The following IL34 variants were observed in gnomAD, a reference collection of about 807,000 sequenced individuals.
IL34 encodes the protein interleukin 34, also known as interleukin-34.
In IL34, 17 loss-of-function variants were observed where a neutral mutation model predicts 25.3. The observed-to-expected ratio is 0.67, with a 90% CI of 0.46 to 1.01. IL34 has a LOEUF of 1.01. Among genes scored for constraint, IL34 ranks in the 50% least tolerant of loss-of-function variants. IL34 has a pLI of 0.00. For missense variants in IL34, 368 were observed against 312.9 expected (o/e 1.18, Z -1.33); for synonymous variants, 174 against 140.9 (o/e 1.23, Z -1.66).
intron 1 of IL34, among the ~76,000 whole-genome samples, chr16:70,587,195 G>A (rs552039409): frequency 2.0e-5 from 3 of 152,212 alleles, no homozygotes; most frequent in South Asian, 2.1e-4. Flanking sequence ...TGGCCACTGA[G>A]CCACCCTAGT....
chr16:70,593,005 T>A (rs968084565), intron 1 of IL34, among the ~76,000 whole-genome samples: 3 of 152,192 alleles, frequency 2.0e-5, no homozygotes, highest in Non-Finnish European at 4.4e-5. Flanking sequence ...CTTTTTTTAA[T>A]AAATAGAGAC....
At position 70,640,232 on chromosome 16, in the gene IL34, C is replaced by T. The variant is rs191284823; in HGVS notation, c.-400-6316C>T. On this transcript the variant is annotated intron_variant, in intron 1 of 6. Coordinates refer to the IL34 transcript ENST00000429149. ...TCGTGGCTCACTGCAGCCTTGGCCT[C>T]CTGGGCTCAAGCAATCATCCTGCCT... Among the ~76,000 whole-genome samples, 55 of 152,252 alleles carry T rather than the reference C, an allele frequency of 3.6e-4. 1 individual carries two copies. The East Asian group carries it at 9.5e-3, about 26-fold the overall frequency.
At chr16:70,618,564 G>A (rs867650160) in intron 1 of IL34, among the ~76,000 whole-genome samples, 1 of 152,176 alleles carries the variant, frequency 6.6e-6, no homozygotes, top group African/African-American at 2.4e-5. Context: ...AGCGGCAGCC[G>A]CTGCACGCAG....
chr16:70,628,306 A>G (rs1035728329), intron 1 of IL34, among the ~76,000 whole-genome samples: 14 of 152,146 alleles, frequency 9.2e-5, no homozygotes, highest in African/African-American at 3.4e-4. Context: ...AGAACACAGT[A>G]TATCTTTTTC....
upstream of IL34, chr16:70,646,481 G>C (rs1279858893): frequency 6.0e-6 from 1 of 166,150 alleles, no homozygotes; most frequent in African/African-American, 2.4e-5. Flanking sequence ...GGTGTGCGCT[G>C]TGGCTGATGG....
chr16:70,598,497 G>A (rs908555925), intron 1 of IL34, among the ~76,000 whole-genome samples: 3 of 152,142 alleles, frequency 2.0e-5, no homozygotes, highest in African/African-American at 4.8e-5. Context: ...CCAGCACTTT[G>A]GGAGGCCAAG....
intron 1 of IL34, among the ~76,000 whole-genome samples, chr16:70,584,754 C>A (rs901980557): frequency 6.6e-6 from 1 of 151,802 alleles, no homozygotes; most frequent in African/African-American, 2.4e-5. Context: ...AAGCTAGAGT[C>A]CAGTGGCATG....
intron 1 of IL34, among the ~76,000 whole-genome samples, chr16:70,627,281 T>C (rs1364578382): frequency 6.6e-6 from 1 of 152,222 alleles, no homozygotes; most frequent in East Asian, 1.9e-4. Flanking sequence ...AACACACATA[T>C]AGCAAAGTAA....
chr16:70,626,025 C>A lies in IL34; in HGVS notation c.-400-20523C>A, dbSNP rs138671531. ...TCACGGCACCGAATTTCATGCGCGTCCATGAGAAGAGACCACCACACAGGC... is the reference window on the plus strand; with the variant it reads ...TCACGGCACCGAATTTCATGCGCGTACATGAGAAGAGACCACCACACAGGC... On this transcript the variant is annotated intron_variant, in intron 1 of 6. Coordinates refer to the IL34 transcript ENST00000429149. 8.9e-4 allele frequency among the ~76,000 whole-genome samples: 136 copies of A among 152,324 alleles called. 2 individuals are homozygous for A. The highest frequency in any genetic ancestry group is 3.1e-3 in the African/African-American group (128 of 41,574).
chr16:70,599,468 T>C (rs1361414743), intron 1 of IL34, among the ~76,000 whole-genome samples: 1 of 151,798 alleles, frequency 6.6e-6, no homozygotes, highest in Non-Finnish European at 1.5e-5. Context: ...GCGATTCTCC[T>C]GCCTCATCCT....
At chr16:70,605,279 ACCCTCTTCCTTCTCAT>A (rs1402743601) in intron 1 of IL34, among the ~76,000 whole-genome samples, 1 of 152,082 alleles carries the variant, frequency 6.6e-6, no homozygotes, top group Admixed American at 6.5e-5. Flanking sequence ...AGAGTCCAGG[ACCCTCTTCCTTCTCAT>A]CAAATGCAAG....
chr16:70,585,950 C>T (rs936897864), intron 1 of IL34, among the ~76,000 whole-genome samples: 1 of 151,722 alleles, frequency 6.6e-6, no homozygotes, highest in African/African-American at 2.4e-5. Context: ...TCTCCTGCCT[C>T]AGCCTCCCAA....
chr16:70,628,083 T>C (rs4985412), intron 1 of IL34, among the ~76,000 whole-genome samples: 87,031 of 152,038 alleles, frequency 0.57, 28,130 homozygotes, highest in African/African-American at 0.9. Context: ...CCAATTATTC[T>C]ACATTGTTGC....
intron 1 of IL34, among the ~76,000 whole-genome samples, chr16:70,640,437 A>G (rs993987944): frequency 1.3e-5 from 2 of 152,110 alleles, no homozygotes; most frequent in Non-Finnish European, 2.9e-5. Flanking sequence ...CAGCCTGGCC[A>G]ACAAGATGAA....
chr16:70,656,531 A>C, intron 2 of IL34, 71 bp from the exon 3 acceptor site: 1 of 851,106 alleles, frequency 1.2e-6, no homozygotes, highest in South Asian at 1.3e-5. Flanking sequence ...AAAAAACATC[A>C]TTTGGGAGGT....
intron 1 of IL34, among the ~76,000 whole-genome samples, chr16:70,648,271 G>C (rs1421867492): frequency 6.6e-6 from 1 of 152,204 alleles, no homozygotes; most frequent in Non-Finnish European, 1.5e-5. Context: ...TGAAAGGCAA[G>C]GGATGCTGGG....
chr16:70,589,356 C>A (rs1278781009), intron 1 of IL34, among the ~76,000 whole-genome samples: 1 of 152,034 alleles, frequency 6.6e-6, no homozygotes, highest in East Asian at 1.9e-4. Context: ...AGCCCAGTAC[C>A]CAATAGTTAT....
chr16:70,598,708 C>T (rs1408647896), intron 1 of IL34, among the ~76,000 whole-genome samples: 1 of 152,138 alleles, frequency 6.6e-6, no homozygotes, highest in East Asian at 1.9e-4. Context: ...CACTGCACTC[C>T]AGCCTGGGCG....
chr16:70,596,673 G>T (rs376600790), intron 1 of IL34, among the ~76,000 whole-genome samples: 2 of 152,200 alleles, frequency 1.3e-5, no homozygotes, highest in African/African-American at 4.8e-5. Context: ...TGCAGTGGGG[G>T]TAGAGCGACT....
Sources: gnomAD v4.1 joint callset for allele counts (sites outside exome capture counted in the v4.1 genomes callset) on GRCh38, gnomAD v4.1.1 for gene constraint, MANE v1.5 for transcripts, NCBI Gene and HGNC (gene_info 2026-07-23, HGNC 2026-07-21) for gene names.